Variants in SLC41A3 observed in about 807,000 individuals in gnomAD.
SLC41A3 encodes solute carrier family 41 member 3.
In SLC41A3, 44 loss-of-function variants were observed where a neutral mutation model predicts 45.4. The ratio of observed to expected loss-of-function variants is 0.97; its 90% confidence interval spans 0.76 to 1.25. The LOEUF (loss-of-function observed/expected upper bound fraction) is 1.25, where lower values mean the gene tolerates loss of function less well. Among genes scored for constraint, SLC41A3 ranks in the 50% most tolerant of loss-of-function variants. SLC41A3 has a pLI of 0.00. For synonymous variants in SLC41A3, 256 were observed against 252.4 expected, an observed-to-expected ratio of 1.01 and a Z score of -0.13; for missense variants, 550 against 600.6, an observed-to-expected ratio of 0.92 and a Z score of 0.88.
At chr3:126,074,738 T>C (rs1224070088) in intron 1 of SLC41A3, among the ~76,000 whole-genome samples, 1 of 152,192 alleles carries the variant, frequency 6.6e-6, no homozygotes, top group East Asian at 1.9e-4. Flanking sequence ...AGGAGTGCAG[T>C]GGCACGATCA....
At chr3:126,062,999 C>T (rs1187412863) in intron 2 of SLC41A3, among the ~76,000 whole-genome samples, 5 of 152,180 alleles carry the variant, frequency 3.3e-5, no homozygotes, top group African/African-American at 1.2e-4. Context: ...TGTCTAGGGG[C>T]TGCGGATCCA....
At chr3:126,081,797 T>C (rs1487179267) in intron 1 of SLC41A3, among the ~76,000 whole-genome samples, 3 of 152,164 alleles carry the variant, frequency 2.0e-5, no homozygotes, top group Non-Finnish European at 2.9e-5. Flanking sequence ...ACATCCTCAC[T>C]CAGCCACAGT....
upstream of SLC41A3, among the ~76,000 whole-genome samples, chr3:126,086,425 T>G (rs1303186051): frequency 3.8e-4 from 55 of 146,398 alleles, 1 homozygote; most frequent in South Asian, 1.8e-3. Flanking sequence ...TTTTTTTTTT[T>G]TTTTTTTTTT....
At position 126,022,923 on chromosome 3, in the gene SLC41A3, A is replaced by C. The variant is rs959911400; in HGVS notation, c.608T>G (p.Met203Arg). 10 of 1,614,046 alleles carry C rather than the reference A, an allele frequency of 6.2e-6. No homozygotes were observed. Among genetic ancestry groups the C allele is most frequent in the Non-Finnish European group, 8.5e-6 (10 of 1,180,012 alleles). The change falls in exon 6 of 11, where the codon ATG (methionine) becomes AGG (arginine). Residue 203 changes from methionine (M) to arginine (R), a missense_variant. Coordinates refer to ENST00000360370, the MANE Select transcript of SLC41A3 (RefSeq NM_017836.4). Reference sequence around the variant, plus strand: ...TCGAGCACCAATCACTATACAGACCATCAGCACCCCTGCAGAGAGAGAGAG... The same window carrying C: ...TCGAGCACCAATCACTATACAGACCCTCAGCACCCCTGCAGAGAGAGAGAG... The part of the protein sequence containing the change: ...FLAAFALGVL[M>R]VCIVIGARKL...
rs568374412 is a variant in SLC41A3 at position 126,039,847 on chromosome 3, C to T, written c.382-6169G>A. Among the ~76,000 whole-genome samples the T allele has an allele frequency of 1.8e-4, 28 of 152,340 alleles. No individual in the cohort carries two copies. In the Middle Eastern group the frequency reaches 0.01, roughly 56 times the overall value. On this transcript the variant is annotated intron_variant, in intron 3 of 10. Transcript: ENST00000360370. ...TCTTATCTGTGGATATGTGTACATA[C>T]ACAGGTTGGCATATATACATACATA...
At chr3:126,013,910 C>T (rs183850237) in intron 8 of SLC41A3, among the ~76,000 whole-genome samples, 5 of 152,258 alleles carry the variant, frequency 3.3e-5, no homozygotes, top group Admixed American at 2.6e-4. Flanking sequence ...GCCCAGAAAA[C>T]CATGAGCACA....
chr3:126,077,124 T>TA (rs1360946459), intron 1 of SLC41A3, among the ~76,000 whole-genome samples: 7 of 152,192 alleles, frequency 4.6e-5, no homozygotes, highest in African/African-American at 1.7e-4. Flanking sequence ...ATGCCTGTAA[T>TA]ACCAGCACTT....
chr3:126,036,918 C>A (rs1402141629), intron 3 of SLC41A3, among the ~76,000 whole-genome samples: 1 of 152,140 alleles, frequency 6.6e-6, no homozygotes, highest in African/African-American at 2.4e-5. Context: ...TCAAAGTCAA[C>A]AGAGAGAGCT....
At chr3:126,046,384 T>G (rs1942962623) in intron 3 of SLC41A3, among the ~76,000 whole-genome samples, 1 of 140,474 alleles carries the variant, frequency 7.1e-6, no homozygotes, top group South Asian at 2.3e-4. Flanking sequence ...CACACACAAA[T>G]TTTTATAATA....
chr3:126,049,417 G>A (rs1576307371), intron 3 of SLC41A3, among the ~76,000 whole-genome samples: 1 of 152,194 alleles, frequency 6.6e-6, no homozygotes, highest in Non-Finnish European at 1.5e-5. Context: ...AGCCCAGGAG[G>A]CAGGGGTTGC....
intron 2 of SLC41A3, among the ~76,000 whole-genome samples, chr3:126,064,834 C>T (rs1944269043): frequency 6.6e-6 from 1 of 152,252 alleles, no homozygotes; most frequent in Non-Finnish European, 1.5e-5. Context: ...TGCTGCCATT[C>T]CTGCCTGCTC....
At chr3:126,023,317 G>A (rs1486516229) in intron 5 of SLC41A3, 1 of 170,758 alleles carries the variant, frequency 5.9e-6, no homozygotes, top group Non-Finnish European at 1.2e-5. Flanking sequence ...CTCGGGGTGA[G>A]CTCATGGCCT....
intron 2 of SLC41A3, among the ~76,000 whole-genome samples, chr3:126,052,560 G>T (rs1559860990): frequency 6.6e-6 from 1 of 152,158 alleles, no homozygotes; most frequent in Non-Finnish European, 1.5e-5. Flanking sequence ...CCTCAGTGCT[G>T]CAACTCTATG....
At chr3:126,074,818 C>T (rs1944800252) in intron 1 of SLC41A3, among the ~76,000 whole-genome samples, 1 of 152,236 alleles carries the variant, frequency 6.6e-6, no homozygotes, top group Admixed American at 6.5e-5. Flanking sequence ...GTAGCTGGGG[C>T]TACAGGTATA....
At position 126,026,574 on chromosome 3, in the gene SLC41A3, C is replaced by G; in HGVS notation, c.454-95G>C. 1 of 1,459,372 alleles carries G rather than the reference C, an allele frequency of 6.9e-7. No individual in the cohort carries two copies. The highest frequency in any genetic ancestry group is 9.3e-7 in the Non-Finnish European group (1 of 1,078,614). The allele number at this position is 1,459,372 out of a possible 1,614,324, so 90.4% of individuals were successfully genotyped here. The stretch of plus-strand genomic sequence containing the variant: ...CTCACTCACCGCAAGGGGCCGGGTG[C>G]CACATGCTACTGCCTCCTTTCCCTT... On this transcript the variant is annotated intron_variant, in intron 4 of 10. Transcript: ENST00000360370. The surrounding 1 kb of genome is among the most constrained non-coding windows in gnomAD (Gnocchi z 4.2).
chr3:126,020,717 CA>C (rs1452109616), intron 6 of SLC41A3, among the ~76,000 whole-genome samples: 1 of 152,106 alleles, frequency 6.6e-6, no homozygotes, highest in Non-Finnish European at 1.5e-5. Flanking sequence ...CGGTAAGAAG[CA>C]TTTTATAATC....
At position 126,015,523 on chromosome 3, in the gene SLC41A3, C is replaced by T. The variant is rs757711644; in HGVS notation, c.941G>A (p.Gly314Asp). 1.9e-6 allele frequency: 3 copies of T among 1,614,182 alleles called. No individual in the cohort carries two copies. Among genetic ancestry groups the T allele is most frequent in the Non-Finnish European group, 2.5e-6 (3 of 1,180,010 alleles). ...TATGACGGGGGTAAATATCGCCATGCCTTTGTACTGCTGTTTAGAAACGGT... is the reference window on the plus strand; with the variant it reads ...TATGACGGGGGTAAATATCGCCATGTCTTTGTACTGCTGTTTAGAAACGGT... ...SKTVSKQQYK[G>D]MAIFTPVICG... The change falls in exon 8 of 11, where the codon GGC becomes GAC. Residue 314 changes from glycine to aspartate, a missense_variant. By Grantham distance (94) the Gly-to-Asp change is moderately conservative (BLOSUM62 -1). Transcript: ENST00000360370.
In SLC41A3 at chr3:126,006,759, A is replaced by C. The variant is rs1215501431; in HGVS notation, c.*257T>G. On this transcript the variant is annotated 3_prime_UTR_variant, in exon 11 of 11. Coordinates refer to ENST00000360370, the MANE Select transcript of SLC41A3 (RefSeq NM_017836.4). ...CCCTCCTCTCCACAAACGTGTGCACACTTGCACGCTCATTAAGCATGTGCA... is the reference window on the plus strand; with the variant it reads ...CCCTCCTCTCCACAAACGTGTGCACCCTTGCACGCTCATTAAGCATGTGCA... The C allele has an allele frequency of 1.4e-6, 2 of 1,443,078 alleles. No individual in the cohort carries two copies. Among genetic ancestry groups the C allele is most frequent in the African/African-American group, 2.9e-5 (2 of 69,710 alleles). 89.4% of individuals were successfully genotyped at this position (1,443,078 alleles called of 1,614,324 possible).
chr3:126,059,295 A>AGAGAGAGAGAAAG (rs1423816762), intron 2 of SLC41A3, among the ~76,000 whole-genome samples: 5 of 127,530 alleles, frequency 3.9e-5, no homozygotes, highest in Admixed American at 7.9e-5. Context: ...AGAAAGAAAG[A>AGAGAGAGAGAAAG]AAGAAAGAAA....
Sources: allele counts gnomAD v4.1 joint callset (sites outside exome capture counted in the v4.1 genomes callset), GRCh38; gene constraint gnomAD v4.1.1; non-coding constraint Gnocchi (gnomAD v3.1); transcripts MANE v1.5; gene names NCBI Gene and HGNC (gene_info 2026-07-23, HGNC 2026-07-21).